Variants in BBS7 observed in about 807,000 individuals in gnomAD.
BBS7 encodes BBSome complex member BBS7.
A neutral mutation model predicts 90.3 loss-of-function variants in BBS7; 50 were observed. The ratio of observed to expected loss-of-function variants is 0.55; its 90% CI spans 0.44 to 0.70. The LOEUF is 0.70. Ranked by LOEUF, BBS7 falls within the 30% of genes least tolerant of loss-of-function variation. The probability of loss-of-function intolerance (pLI) is 0.00; values close to 1 mark genes in which losing one functional copy is unlikely to be tolerated. For synonymous variants in BBS7, 235 were observed against 287.4 expected, an observed-to-expected ratio of 0.82 and a Z score of 1.85; for missense variants, 729 against 838.9, an observed-to-expected ratio of 0.87 and a Z score of 1.62.
At chr4:121,835,532 T>G (rs1725409747) in intron 13 of BBS7, among the ~76,000 whole-genome samples, 1 of 152,164 alleles carries the variant, frequency 6.6e-6, no homozygotes, top group South Asian at 2.1e-4. Flanking sequence ...TAACTCATAC[T>G]TTTCATGGCA....
chr4:121,851,457 A>T (rs1458918668), intron 8 of BBS7, among the ~76,000 whole-genome samples: 2 of 151,238 alleles, frequency 1.3e-5, no homozygotes, highest in Non-Finnish European at 3.0e-5. Context: ...GGAGGGGAAA[A>T]GAAAGGGAAG....
Position 121,824,375 on chromosome 4 carries a change from G to A in BBS7, c.*1485C>T, listed in dbSNP as rs1284881103. On this transcript the variant is annotated 3_prime_UTR_variant, in exon 19 of 19. Coordinates refer to ENST00000264499, the MANE Select transcript of BBS7 (RefSeq NM_176824.3). This position sits in a 1 kb window ranked among gnomAD's most constrained non-coding sequence, Gnocchi z 4.1. ...CATATGGTTGTTAGGATTAAATAAT[G>A]TGCATAAATTATTTAACACGGAGCT... 6.6e-6 allele frequency: 1 copy of A among 152,160 alleles called. No homozygotes were observed. The highest frequency in any genetic ancestry group is 1.5e-5 in the Non-Finnish European group (1 of 68,026). 9.4% of individuals were successfully genotyped at this position (152,160 alleles called of 1,614,324 possible).
chr4:121,849,441 A>G (rs1395401759), intron 8 of BBS7, among the ~76,000 whole-genome samples: 1 of 152,180 alleles, frequency 6.6e-6, no homozygotes, highest in Non-Finnish European at 1.5e-5. Context: ...GGCTCAAGCA[A>G]TCTGCCACCT....
intron 18 of BBS7, chr4:121,827,673 A>G (rs189489230): frequency 1.6e-6 from 1 of 607,012 alleles, no homozygotes; most frequent in East Asian, 1.4e-4. Flanking sequence ...CAATTTGTGA[A>G]ACATTCAGCT....
intron 12 of BBS7, among the ~76,000 whole-genome samples, chr4:121,841,941 T>A (rs1313885304): frequency 6.6e-6 from 1 of 152,066 alleles, no homozygotes; most frequent in East Asian, 1.9e-4. Context: ...AAAAATAAAA[T>A]TTTTACTATG....
chr4:121,854,029 T>C (rs534983496), intron 7 of BBS7, among the ~76,000 whole-genome samples: 3 of 152,192 alleles, frequency 2.0e-5, no homozygotes, highest in Admixed American at 6.5e-5. Context: ...TAACTCTTTT[T>C]CTTATCAATC....
chr4:121,852,362 G>A (rs1477291793), intron 8 of BBS7, among the ~76,000 whole-genome samples: 1 of 152,098 alleles, frequency 6.6e-6, no homozygotes, highest in Non-Finnish European at 1.5e-5. Context: ...CCCTGGATTG[G>A]TGAACACTAG....
intron 5 of BBS7, among the ~76,000 whole-genome samples, chr4:121,857,808 C>CTT (rs5861541): frequency 0.75 from 99,102 of 132,210 alleles, 37,319 homozygotes; most frequent in East Asian, 0.82. Flanking sequence ...TTTTTCTTTT[C>CTT]TTTTTTTTTT....
At chr4:121,854,566 A>AATAGTAG in intron 7 of BBS7, 138 bp downstream of exon 7, 1 of 802,796 alleles carries the variant, frequency 1.2e-6, no homozygotes, top group Non-Finnish European at 1.8e-6. Context: ...CTGACAAATA[A>AATAGTAG]ACAAATAGTA....
rs1421276643 is a variant in BBS7 at position 121,870,354 on chromosome 4, A to G, written c.-41T>C. ...GGGCTAAGCAGCGCCGGACAAGAAC[A>G]GGAGGGACAGAGGCTTCGGGCCCGC... On this transcript the variant is annotated 5_prime_UTR_variant, in exon 1 of 19. Coordinates refer to ENST00000264499, the MANE Select transcript of BBS7 (RefSeq NM_176824.3). 5 of 1,613,402 alleles carry G rather than the reference A, an allele frequency of 3.1e-6. No individual in the cohort carries two copies. The highest frequency in any genetic ancestry group is 4.2e-6 in the Non-Finnish European group (5 of 1,179,448).
intron 8 of BBS7, among the ~76,000 whole-genome samples, chr4:121,849,241 C>T (rs958027799): frequency 6.6e-6 from 1 of 152,220 alleles, no homozygotes; most frequent in South Asian, 2.1e-4. Context: ...CCCTCCGTCA[C>T]CCAGGCTGGA....
At chr4:121,828,789 A>G in intron 15 of BBS7, 61 bp from the exon 16 acceptor site, 1 of 961,248 alleles carries the variant, frequency 1.0e-6, no homozygotes, top group African/African-American at 1.7e-5. Context: ...CAGTACATAT[A>G]TATTTTATGA....
intron 12 of BBS7, among the ~76,000 whole-genome samples, chr4:121,841,800 GTTTGT>G (rs771446444): frequency 8.5e-5 from 13 of 152,230 alleles, no homozygotes; most frequent in Admixed American, 2.6e-4. Context: ...AAGATTTTAA[GTTTGT>G]TTTAAGTTTA....
chr4:121,870,190 G>C, intron 1 of BBS7, 88 bp downstream of exon 1: 1 of 1,567,968 alleles, frequency 6.4e-7, no homozygotes, highest in South Asian at 1.1e-5. Context: ...AGCTCCTGGC[G>C]ACCGAGACTT....
chr4:121,862,143 C>G (rs1163785210), intron 3 of BBS7, among the ~76,000 whole-genome samples: 1 of 152,128 alleles, frequency 6.6e-6, no homozygotes, highest in African/African-American at 2.4e-5. Flanking sequence ...ACACTTCAAT[C>G]ATCTTTTAAA....
chr4:121,828,193 A>G lies in BBS7; in HGVS notation c.1967T>C (p.Leu656Pro), dbSNP rs758219185. 5.5e-5 allele frequency: 88 copies of G among 1,613,778 alleles called. No homozygotes were observed. The highest frequency in any genetic ancestry group is 6.9e-5 in the Non-Finnish European group (82 of 1,179,870). Residue 656 changes from leucine (L) to proline (P), a missense_variant, in exon 18 of 19, where the codon CTA (leucine) becomes CCA (proline). Physicochemically the swap from Leu to Pro is moderately conservative, Grantham distance 98. Coordinates refer to ENST00000264499, the MANE Select transcript of BBS7 (RefSeq NM_176824.3). Reference sequence around the variant, plus strand: ...AGGTTGCTTTTTGTATTCTTCCTGTAGGTGATCTGCCTCTTCTAGAATACA... The same window carrying G: ...AGGTTGCTTTTTGTATTCTTCCTGTGGGTGATCTGCCTCTTCTAGAATACA... ...YHCILEEADH[L>P]QEEYKKQPAH...
intron 8 of BBS7, among the ~76,000 whole-genome samples, chr4:121,851,879 A>T (rs1287612343): frequency 1.3e-5 from 2 of 152,256 alleles, no homozygotes; most frequent in Non-Finnish European, 2.9e-5. Flanking sequence ...GGAAGAGGAT[A>T]GGATTTCTTA....
intron 6 of BBS7, 142 bp from the exon 7 acceptor site, chr4:121,854,962 T>C: frequency 1.3e-6 from 1 of 779,162 alleles, no homozygotes; most frequent in South Asian, 1.7e-5. Flanking sequence ...TGGTTATATA[T>C]TCACACAATT....
At chr4:121,827,356 G>A (rs1724962254) in intron 18 of BBS7, among the ~76,000 whole-genome samples, 1 of 152,174 alleles carries the variant, frequency 6.6e-6, no homozygotes, top group Non-Finnish European at 1.5e-5. Context: ...TTGGCATAGT[G>A]TAAAAGGCAT....
Sources: gnomAD v4.1 joint callset for allele counts (sites outside exome capture counted in the v4.1 genomes callset) on GRCh38, gnomAD v4.1.1 for gene constraint, Gnocchi (gnomAD v3.1) non-coding constraint, MANE v1.5 for transcripts, NCBI Gene and HGNC (gene_info 2026-07-23, HGNC 2026-07-21) for gene names.